Variants in TWIST2 observed in about 807,000 individuals in gnomAD.
TWIST2 encodes the protein twist-related protein 2.
Under a neutral mutation model 11.6 loss-of-function variants are expected in TWIST2, and 1 was observed. That is an observed-to-expected ratio of 0.09 (90% CI 0.03 to 0.41). The LOEUF (loss-of-function observed/expected upper bound fraction) is 0.41. TWIST2 is among the 10% of genes least tolerant of loss of function. The probability of loss-of-function intolerance (pLI) is 0.98; values close to 1 mark genes in which losing one functional copy is unlikely to be tolerated. For missense variants in TWIST2, 168 were observed against 226.4 expected (o/e 0.74, Z 1.66); for synonymous variants, 87 against 96.6 (o/e 0.90, Z 0.58).
At position 238,897,314 on chromosome 2, in the gene TWIST2, C is replaced by T. The variant is rs1031713245; in HGVS notation, c.*36-12528C>T. Among the ~76,000 whole-genome samples, 339 of 152,210 alleles carry T rather than the reference C, an allele frequency of 2.2e-3. 3 individuals are homozygous for T. The highest frequency in any genetic ancestry group is 7.5e-3 in the African/African-American group (312 of 41,534). On this transcript the variant is annotated intron_variant, in intron 1 of 1. Coordinates refer to ENST00000612363, the MANE Select transcript of TWIST2 (RefSeq NM_001271893.4). ...CTTGTGATTTTCTGTCCTCCGCGCG[C>T]CCCCCTGCCCCTGTGTCCCCCAAGC...
chr2:238,891,292 C>T (rs1414664649), intron 1 of TWIST2, among the ~76,000 whole-genome samples: 1 of 152,204 alleles, frequency 6.6e-6, no homozygotes, highest in East Asian at 1.9e-4. Flanking sequence ...TCTCAGTGGA[C>T]AGCAGAGCTG....
In TWIST2 at chr2:238,910,222, T is replaced by G. The variant is rs1693429569; in HGVS notation, c.*416T>G. The G allele has an allele frequency of 6.6e-6, 1 of 152,182 alleles. No homozygotes were observed. The highest frequency in any genetic ancestry group is 1.5e-5 in the Non-Finnish European group (1 of 68,036). 9.4% of individuals were successfully genotyped at this position (152,182 alleles called of 1,614,324 possible). A position where few individuals can be genotyped will look rare whatever the true frequency, so the allele number is the denominator to read the frequency against. On this transcript the variant is annotated 3_prime_UTR_variant, in exon 2 of 2. Coordinates refer to ENST00000612363, the MANE Select transcript of TWIST2 (RefSeq NM_001271893.4). ...CCTTTTTTAATGTCTATTTTTTTAA[T>G]AAAACAGAAATGCATTCTTGTACAA...
intron 1 of TWIST2, among the ~76,000 whole-genome samples, chr2:238,858,749 G>A (rs1429338230): frequency 1.3e-5 from 2 of 152,118 alleles, no homozygotes; most frequent in African/African-American, 2.4e-5. Flanking sequence ...TCCACTGCTA[G>A]GTATATACCC....
chr2:238,895,779 A>G (rs913352626), intron 1 of TWIST2, among the ~76,000 whole-genome samples: 43 of 152,264 alleles, frequency 2.8e-4, no homozygotes, highest in African/African-American at 1.0e-3. Flanking sequence ...CCAGGTGGAC[A>G]GGGAGAGGCT....
At chr2:238,885,435 A>G (rs1693016550) in intron 1 of TWIST2, among the ~76,000 whole-genome samples, 2 of 152,188 alleles carry the variant, frequency 1.3e-5, no homozygotes, top group Admixed American at 1.3e-4. Context: ...AGAAATGTAC[A>G]CTGATGAGTC....
intron 1 of TWIST2, among the ~76,000 whole-genome samples, chr2:238,868,951 G>C (rs1048959133): frequency 6.6e-6 from 1 of 152,244 alleles, no homozygotes; most frequent in Non-Finnish European, 1.5e-5. Flanking sequence ...TCATCTCAGA[G>C]GGGTCAGTTG....
At chr2:238,875,756 C>T (rs907064802) in intron 1 of TWIST2, among the ~76,000 whole-genome samples, 19 of 152,192 alleles carry the variant, frequency 1.2e-4, no homozygotes, top group African/African-American at 4.1e-4. Flanking sequence ...TGAGTCTCTT[C>T]GCATTTCTCC....
At position 238,848,368 on chromosome 2, in the gene TWIST2, C is replaced by T; in HGVS notation, c.153C>T (p.Gly51=). The T allele has an allele frequency of 2.0e-6, 3 of 1,534,770 alleles. No individual in the cohort carries two copies. The highest frequency in any genetic ancestry group is 2.6e-6 in the Non-Finnish European group (3 of 1,145,940). Reference sequence around the variant, plus strand: ...GCAGCCCGACCCCGGGCAAGCGCGGCAAGAAGGGCAGCCCCAGCGCGCAGT... The same window carrying T: ...GCAGCCCGACCCCGGGCAAGCGCGGTAAGAAGGGCAGCCCCAGCGCGCAGT... ...EDGSPTPGKR[G]KKGSPSAQSF... is the part of the protein sequence containing the mutation. The change falls in exon 1 of 2, where the codon GGC becomes GGT. Residue 51 remains glycine (G), a synonymous_variant. Transcript: ENST00000612363.
intron 1 of TWIST2, among the ~76,000 whole-genome samples, chr2:238,854,387 C>T (rs956104932): frequency 9.2e-5 from 14 of 152,142 alleles, no homozygotes; most frequent in African/African-American, 2.2e-4. Flanking sequence ...GTGCGACTGA[C>T]GGGAAAGATT....
At chr2:238,881,598 T>G (rs952196230) in intron 1 of TWIST2, among the ~76,000 whole-genome samples, 3 of 152,188 alleles carry the variant, frequency 2.0e-5, no homozygotes, top group African/African-American at 7.2e-5. Flanking sequence ...TTAGTATTTA[T>G]TAGCATTAGT....
chr2:238,897,158 C>G (rs1314700279), intron 1 of TWIST2, among the ~76,000 whole-genome samples: 9 of 152,212 alleles, frequency 5.9e-5, no homozygotes, highest in Admixed American at 1.3e-4. Context: ...TCCAACGCCC[C>G]CTTTGAAAGT....
chr2:238,851,942 C>T (rs1692249056), intron 1 of TWIST2, among the ~76,000 whole-genome samples: 1 of 152,164 alleles, frequency 6.6e-6, no homozygotes. Context: ...TGCTACTCAT[C>T]TTGCTGGAGA....
At chr2:238,890,726 T>C (rs183046612) in intron 1 of TWIST2, among the ~76,000 whole-genome samples, 2 of 152,338 alleles carry the variant, frequency 1.3e-5, no homozygotes, top group East Asian at 3.9e-4. Flanking sequence ...ATCACGACTA[T>C]ATTTCTGTAT....
At chr2:238,892,964 A>T (rs1693163801) in intron 1 of TWIST2, among the ~76,000 whole-genome samples, 1 of 152,210 alleles carries the variant, frequency 6.6e-6, no homozygotes, top group Non-Finnish European at 1.5e-5. Flanking sequence ...GCTAAAAGTA[A>T]CTGAGTCCAG....
At chr2:238,880,390 AGT>A (rs1692895345) in intron 1 of TWIST2, among the ~76,000 whole-genome samples, 1 of 129,356 alleles carries the variant, frequency 7.7e-6, no homozygotes, top group East Asian at 2.3e-4. Flanking sequence ...TATTAATGTT[AGT>A]GTTAGTATTT....
chr2:238,855,351 A>G (rs1692312023), intron 1 of TWIST2, among the ~76,000 whole-genome samples: 1 of 152,200 alleles, frequency 6.6e-6, no homozygotes, highest in Non-Finnish European at 1.5e-5. Flanking sequence ...CATCATTGAC[A>G]CCAATGGGCG....
At chr2:238,899,758 T>G (rs1444802543) in intron 1 of TWIST2, among the ~76,000 whole-genome samples, 3 of 152,228 alleles carry the variant, frequency 2.0e-5, no homozygotes, top group African/African-American at 7.2e-5. Flanking sequence ...TTTGCTAATG[T>G]CTTAGGACTT....
At position 238,864,241 on chromosome 2, in the gene TWIST2, C is replaced by G. The variant is rs1692488798; in HGVS notation, c.*35+15508C>G. On this transcript the variant is annotated intron_variant, in intron 1 of 1. Transcript: ENST00000612363. The surrounding 1 kb of genome is among the most constrained non-coding windows in gnomAD (Gnocchi z 4.7). ...GCTGTGCCGTGGTATCCTCTCTTCTCCACATTACACCCCAAGCACGCGACT... is the reference window on the plus strand; with the variant it reads ...GCTGTGCCGTGGTATCCTCTCTTCTGCACATTACACCCCAAGCACGCGACT... Among the ~76,000 whole-genome samples the G allele has an allele frequency of 6.6e-6, 1 of 152,198 alleles. No homozygotes were observed. The highest frequency in any genetic ancestry group is 2.1e-4 in the South Asian group (1 of 4,824).
Position 238,901,239 on chromosome 2 carries a change from A to G in TWIST2, c.*36-8603A>G, listed in dbSNP as rs1023559584. On this transcript the variant is annotated intron_variant, in intron 1 of 1. Coordinates refer to ENST00000612363, the MANE Select transcript of TWIST2 (RefSeq NM_001271893.4). The stretch of plus-strand genomic sequence containing the variant: ...TGAACCACCTGCCTTGGCCTCCCAA[A>G]GTGCTGGGATTCCAGGTGTGAGCCA... Among the ~76,000 whole-genome samples, 50 of 152,236 alleles carry G rather than the reference A, an allele frequency of 3.3e-4. 1 individual carries two copies. The East Asian group carries it at 9.5e-3, about 29-fold the overall frequency.
Sources: allele counts gnomAD v4.1 joint callset (sites outside exome capture counted in the v4.1 genomes callset), GRCh38; gene constraint gnomAD v4.1.1; non-coding constraint Gnocchi (gnomAD v3.1); transcripts MANE v1.5; gene names NCBI Gene and HGNC (gene_info 2026-07-23, HGNC 2026-07-21).